The following FNDC1 variants were observed in gnomAD, a reference collection of about 807,000 sequenced individuals.
FNDC1 encodes the protein fibronectin type III domain-containing protein 1.
In FNDC1, 96 loss-of-function variants were observed where a neutral mutation model predicts 168.0. The observed-to-expected ratio is 0.57, with a 90% CI of 0.48 to 0.68. The LOEUF (loss-of-function observed/expected upper bound fraction) is 0.68. Ranked by LOEUF, FNDC1 falls within the 30% of genes least tolerant of loss-of-function variation. FNDC1 has a pLI of 0.00. For missense variants in FNDC1, 2,587 were observed against 2,482.1 expected (o/e 1.04, Z -0.90); for synonymous variants, 1,099 against 1,025.9 (o/e 1.07, Z -1.36).
At chr6:159,177,941 T>C (rs1052273616) in intron 1 of FNDC1, among the ~76,000 whole-genome samples, 2 of 152,172 alleles carry the variant, frequency 1.3e-5, no homozygotes, top group Non-Finnish European at 2.9e-5. Flanking sequence ...TCAAAAAATG[T>C]TTTAAAAAAG....
At chr6:159,218,498 G>A (rs372506) in intron 5 of FNDC1, 69,809 of 152,034 alleles carry the variant, frequency 0.46, 17,464 homozygotes, top group East Asian at 0.67. Flanking sequence ...TTCTCCTCGC[G>A]GTGTTGGAAT....
At chr6:159,207,868 C>T (rs1318645929) in intron 4 of FNDC1, among the ~76,000 whole-genome samples, 1 of 152,230 alleles carries the variant, frequency 6.6e-6, no homozygotes, top group African/African-American at 2.4e-5. Flanking sequence ...ACTCTTTGAA[C>T]TGACGTCTGG....
In FNDC1 at chr6:159,229,994, A is replaced by C; in HGVS notation, c.1360A>C (p.Met454Leu). ...TCACTCCAAAGCCTTCATTGTCGCT[A>C]TGCCAACAAGTAAGCATTATGTGTC... ...GPHSKAFIVA[M>L]PTTSKADVEQ... The change falls in exon 10 of 23, where the codon ATG (methionine) becomes CTG (leucine). Residue 454 changes from methionine (M) to leucine (L), a missense_variant. By Grantham distance (15) the Met-to-Leu change is conservative. Transcript: ENST00000297267. 3.7e-6 allele frequency: 6 copies of C among 1,613,482 alleles called. No homozygotes were observed. Among genetic ancestry groups the C allele is most frequent in the Non-Finnish European group, 5.1e-6 (6 of 1,179,650 alleles).
rs764997490 is a variant in FNDC1, at chr6:159,229,876, T to A, written c.1242T>A (p.Pro414=). The change falls in exon 10 of 23, where the codon CCT becomes CCA. Residue 414 remains proline (P), a synonymous_variant. Coordinates refer to ENST00000297267, the MANE Select transcript of FNDC1 (RefSeq NM_032532.3). ...TTGGAGCAAAGTCCCTCACCTATCC[T>A]GGAGACACTACTTCTGCCCTGGTGG... The part of the protein sequence containing the change: ...KPFGAKSLTY[P]GDTTSALVDG... The A allele has an allele frequency of 1.9e-6, 3 of 1,613,984 alleles. No individual in the cohort carries two copies. The highest frequency in any genetic ancestry group is 4.5e-5 in the East Asian group (2 of 44,886).
intron 21 of FNDC1, 41 bp downstream of exon 21, chr6:159,266,286 A>G (rs1401191824): frequency 6.2e-7 from 1 of 1,605,832 alleles, no homozygotes; most frequent in East Asian, 2.2e-5. Context: ...GGTATGGAAC[A>G]TTTTGATTTA....
chr6:159,195,660 C>T (rs556908252), intron 1 of FNDC1, among the ~76,000 whole-genome samples: 7 of 152,184 alleles, frequency 4.6e-5, no homozygotes, highest in African/African-American at 1.4e-4. Context: ...TGCAAGGTAT[C>T]GCAGAGAAGA....
chr6:159,204,644 G>A (rs549193787), intron 4 of FNDC1, among the ~76,000 whole-genome samples: 2 of 152,246 alleles, frequency 1.3e-5, no homozygotes, highest in African/African-American at 2.4e-5. Context: ...ACCTCTGCCC[G>A]TCGCTCTGCC....
At chr6:159,180,660 G>A (rs1329638897) in intron 1 of FNDC1, among the ~76,000 whole-genome samples, 2 of 152,174 alleles carry the variant, frequency 1.3e-5, no homozygotes, top group Non-Finnish European at 2.9e-5. Context: ...AGGCCCCAGT[G>A]TGTGCTGTTC....
chr6:159,226,052 C>A (rs1782949905), intron 8 of FNDC1, among the ~76,000 whole-genome samples: 1 of 152,142 alleles, frequency 6.6e-6, no homozygotes, highest in African/African-American at 2.4e-5. Context: ...ATGGCTCTTG[C>A]ATGTAGGAGA....
chr6:159,191,235 A>G (rs1782132163), intron 1 of FNDC1, among the ~76,000 whole-genome samples: 1 of 152,208 alleles, frequency 6.6e-6, no homozygotes, highest in Non-Finnish European at 1.5e-5. Flanking sequence ...TCAACATGAG[A>G]TTTGGGTGGG....
Position 159,234,030 on chromosome 6 carries a change from A to G in FNDC1, c.3518A>G (p.Gln1173Arg), listed in dbSNP as rs375160477. ...SKRPLSSKSQ[Q>R]SVSAEDDEEE... is the part of the protein sequence containing the mutation. ...CGGCCCCTGTCCTCCAAGTCCCAGC[A>G]GTCGGTCTCAGCCGAGGACGACGAG... The change falls in exon 11 of 23, where the codon CAG (glutamine) becomes CGG (arginine). Residue 1173 changes from glutamine (Q) to arginine (R), a missense_variant. Physicochemically the swap from Gln to Arg is conservative, Grantham distance 43. Coordinates refer to ENST00000297267, the MANE Select transcript of FNDC1 (RefSeq NM_032532.3). 19 of 1,611,492 alleles carry G rather than the reference A, an allele frequency of 1.2e-5. No homozygotes were observed. In the South Asian group the frequency reaches 2.0e-4, roughly 17 times the overall value.
At chr6:159,269,525 TCCATCC>T (rs1777690640) in intron 22 of FNDC1, among the ~76,000 whole-genome samples, 2 of 147,802 alleles carry the variant, frequency 1.4e-5, no homozygotes, top group Non-Finnish European at 3.0e-5. Flanking sequence ...CATCCATCCA[TCCATCC>T]ATCCATCCAT....
At chr6:159,263,678 C>T (rs1342599177) in intron 19 of FNDC1, among the ~76,000 whole-genome samples, 1 of 152,278 alleles carries the variant, frequency 6.6e-6, no homozygotes, top group Non-Finnish European at 1.5e-5. Context: ...AGGAGAATGG[C>T]GTGAAGCTGG....
At chr6:159,177,672 A>G (rs1006917572) in intron 1 of FNDC1, among the ~76,000 whole-genome samples, 6 of 152,172 alleles carry the variant, frequency 3.9e-5, no homozygotes, top group Non-Finnish European at 8.8e-5. Context: ...AGAATCACAT[A>G]TACAATAAAA....
chr6:159,265,394 C>T (rs1008270366), intron 20 of FNDC1, among the ~76,000 whole-genome samples: 1 of 152,144 alleles, frequency 6.6e-6, no homozygotes, highest in African/African-American at 2.4e-5. Flanking sequence ...CAAATCAGGT[C>T]TTCTGAGTGG....
At chr6:159,189,236 T>C (rs1456982358) in intron 1 of FNDC1, among the ~76,000 whole-genome samples, 1 of 152,108 alleles carries the variant, frequency 6.6e-6, no homozygotes, top group East Asian at 1.9e-4. Flanking sequence ...GCTGTAAGCA[T>C]CATTGGAACT....
chr6:159,254,026 A>T (rs1562310089), intron 17 of FNDC1, among the ~76,000 whole-genome samples: 2 of 151,888 alleles, frequency 1.3e-5, no homozygotes, highest in Admixed American at 6.5e-5. Context: ...AAGTTCAATG[A>T]CTCTCCTCTA....
chr6:159,249,029 A>G lies in FNDC1; in HGVS notation c.4691-10A>G. The G allele has an allele frequency of 1.3e-6, 2 of 1,590,196 alleles. No individual in the cohort carries two copies. Among genetic ancestry groups the G allele is most frequent in the Middle Eastern group, 3.3e-4 (2 of 6,024 alleles). ...CAGTGCCCAATTACAGAGCCTTCAT[A>G]TCATTTCAGATTATGAATTTGAGAC... On this transcript the variant is annotated splice_polypyrimidine_tract_variant and intron_variant, in intron 15 of 22. Coordinates refer to ENST00000297267, the MANE Select transcript of FNDC1 (RefSeq NM_032532.3).
intron 22 of FNDC1, among the ~76,000 whole-genome samples, chr6:159,269,625 AT>A (rs1777700996): frequency 6.6e-6 from 1 of 150,434 alleles, no homozygotes; most frequent in Admixed American, 6.6e-5. Flanking sequence ...CTATCTATCT[AT>A]CTATCTATCT....
Sources: gnomAD v4.1 joint callset for allele counts (sites outside exome capture counted in the v4.1 genomes callset) on GRCh38, gnomAD v4.1.1 for gene constraint, MANE v1.5 for transcripts, NCBI Gene and HGNC (gene_info 2026-07-23, HGNC 2026-07-21) for gene names.